Variants in MGMT observed in about 807,000 individuals in gnomAD.
MGMT encodes methylated-DNA--protein-cysteine methyltransferase.
Under a neutral mutation model 15.9 loss-of-function variants are expected in MGMT, and 14 were observed. That is an observed-to-expected ratio of 0.88 (90% confidence interval 0.58 to 1.37). The LOEUF is 1.37. Ranked by LOEUF, MGMT falls within the 40% of genes most tolerant of loss-of-function variation. The pLI is 0.00. For missense variants in MGMT, 282 were observed against 268.1 expected, an observed-to-expected ratio of 1.05 and a Z score of -0.36; for synonymous variants, 130 against 118.2, an observed-to-expected ratio of 1.10 and a Z score of -0.65.
At chr10:129,761,922 A>G (rs1564787799) in intron 4 of MGMT, among the ~76,000 whole-genome samples, 1 of 152,192 alleles carries the variant, frequency 6.6e-6, no homozygotes, top group African/African-American at 2.4e-5. Flanking sequence ...TATAGCACAG[A>G]TATGCCAGAG....
chr10:129,506,406 C>T (rs1181110613), intron 1 of MGMT, among the ~76,000 whole-genome samples: 5 of 152,142 alleles, frequency 3.3e-5, no homozygotes, highest in Admixed American at 1.3e-4. Flanking sequence ...GTGTCTTTCC[C>T]ATCACCCTAT....
intron 2 of MGMT, chr10:129,694,344 G>C (rs1156926056): frequency 6.6e-6 from 1 of 152,252 alleles, no homozygotes; most frequent in Admixed American, 6.5e-5. Flanking sequence ...TTGTTTTGCT[G>C]GAAAATCCTG....
At chr10:129,579,497 C>T (rs1846527249) in intron 2 of MGMT, among the ~76,000 whole-genome samples, 1 of 152,208 alleles carries the variant, frequency 6.6e-6, no homozygotes. Flanking sequence ...TTCCCATGCT[C>T]CGTGCCTCCA....
At chr10:129,502,534 A>G (rs896198147) in intron 1 of MGMT, among the ~76,000 whole-genome samples, 4 of 152,196 alleles carry the variant, frequency 2.6e-5, no homozygotes, top group African/African-American at 9.6e-5. Context: ...ATTTTGCCTT[A>G]AAAAATGAGT....
At chr10:129,664,822 A>G (rs1847639271) in intron 2 of MGMT, among the ~76,000 whole-genome samples, 1 of 152,220 alleles carries the variant, frequency 6.6e-6, no homozygotes, top group South Asian at 2.1e-4. Context: ...GAATGCATAT[A>G]AATGGAAGAT....
chr10:129,551,469 C>T (rs1048351618), intron 2 of MGMT, among the ~76,000 whole-genome samples: 1 of 152,062 alleles, frequency 6.6e-6, no homozygotes, highest in Non-Finnish European at 1.5e-5. Flanking sequence ...CATCAGCTGC[C>T]GCAGGCCAGG....
chr10:129,512,392 A>G (rs1391354144), intron 1 of MGMT, among the ~76,000 whole-genome samples: 1 of 152,176 alleles, frequency 6.6e-6, no homozygotes, highest in Non-Finnish European at 1.5e-5. Flanking sequence ...ATAGTTAATA[A>G]ACTAGTGTCT....
intron 1 of MGMT, among the ~76,000 whole-genome samples, chr10:129,528,367 G>T (rs572262850): frequency 4.9e-4 from 74 of 151,340 alleles, no homozygotes; most frequent in Admixed American, 1.6e-3. Context: ...GTGGAGAGCT[G>T]CGGTGGTGTA....
At chr10:129,710,164 A>G (rs1049396608) in intron 3 of MGMT, among the ~76,000 whole-genome samples, 3 of 152,124 alleles carry the variant, frequency 2.0e-5, no homozygotes, top group Admixed American at 6.5e-5. Context: ...GCAGGTCATG[A>G]TAGGTCTTGG....
chr10:129,627,463 T>C (rs542402839), intron 2 of MGMT, among the ~76,000 whole-genome samples: 154 of 152,230 alleles, frequency 1.0e-3, no homozygotes, highest in Non-Finnish European at 2.0e-3. Flanking sequence ...AAGAATTCAG[T>C]TTTTCGCCCC....
intron 2 of MGMT, among the ~76,000 whole-genome samples, chr10:129,574,605 T>C (rs1433889701): frequency 1.3e-5 from 2 of 152,182 alleles, no homozygotes; most frequent in South Asian, 2.1e-4. Context: ...CTGGGTTCAA[T>C]ATTAGCTCTG....
chr10:129,752,322 G>A (rs749693392), intron 3 of MGMT, among the ~76,000 whole-genome samples: 6 of 151,688 alleles, frequency 4.0e-5, no homozygotes, highest in Admixed American at 6.6e-5. Flanking sequence ...GTGTTTGCAT[G>A]GTATATCTTT....
In MGMT at chr10:129,766,987, G is replaced by A. The variant is rs750845258; in HGVS notation, c.614G>A (p.Gly205Asp). The A allele has an allele frequency of 6.9e-6, 11 of 1,600,230 alleles. No homozygotes were observed. In the South Asian group the frequency reaches 1.1e-4, roughly 16 times the overall value. ...GCTACCTCGGGCTCCCCGCCTGCTG[G>A]CCGAAACTGAGTATGTGCAGTAGGA... is the stretch of plus-strand genomic sequence containing the variant. ...AGATSGSPPA[G>D]RN Residue 205 changes from glycine to aspartate, a missense_variant, in exon 5 of 5, where the codon GGC becomes GAC. Gly to Asp is a moderately conservative substitution (Grantham distance 94). Transcript: ENST00000651593.
chr10:129,525,130 A>G (rs757415077), intron 1 of MGMT, among the ~76,000 whole-genome samples: 5 of 152,194 alleles, frequency 3.3e-5, no homozygotes, highest in African/African-American at 7.2e-5. Context: ...TTTCACACAC[A>G]CACACAGCAG....
chr10:129,469,180 C>T (rs1460643682), intron 1 of MGMT, among the ~76,000 whole-genome samples: 6 of 152,154 alleles, frequency 3.9e-5, no homozygotes, highest in Non-Finnish European at 5.9e-5. Flanking sequence ...ACTTGCCTTC[C>T]CCATTGCCCC....
chr10:129,517,629 A>C (rs1290403929), intron 1 of MGMT, among the ~76,000 whole-genome samples: 1 of 152,198 alleles, frequency 6.6e-6, no homozygotes, highest in Non-Finnish European at 1.5e-5. Flanking sequence ...CGTATGTCGC[A>C]CAAGGCTTCT....
At position 129,755,392 on chromosome 10, in the gene MGMT, T is replaced by C. The variant is rs570728672; in HGVS notation, c.275-3810T>C. Among the ~76,000 whole-genome samples, 476 of 152,340 alleles carry C rather than the reference T, an allele frequency of 3.1e-3. 4 individuals carry two copies. Among genetic ancestry groups the C allele is most frequent in the African/African-American group, 0.011 (453 of 41,594 alleles). ...GCTGAGGACCTGCTCTTTCTTGCTC[T>C]CTGTTGCTCTTTGTTGGCCATGGCC... On this transcript the variant is annotated intron_variant, in intron 3 of 4. Coordinates refer to ENST00000651593, the MANE Select transcript of MGMT (RefSeq NM_002412.5).
intron 1 of MGMT, among the ~76,000 whole-genome samples, chr10:129,521,627 T>A (rs988925421): frequency 4.6e-5 from 7 of 152,162 alleles, no homozygotes; most frequent in African/African-American, 1.4e-4. Context: ...CCAGGGAGGG[T>A]GTTTCCACCT....
chr10:129,702,903 G>A (rs745314076), intron 2 of MGMT, among the ~76,000 whole-genome samples: 1 of 152,178 alleles, frequency 6.6e-6, no homozygotes, highest in African/African-American at 2.4e-5. Flanking sequence ...GAACTCCCCC[G>A]TGATAAGCGC....
Sources: allele counts gnomAD v4.1 joint callset (sites outside exome capture counted in the v4.1 genomes callset), GRCh38; gene constraint gnomAD v4.1.1; transcripts MANE v1.5; gene names NCBI Gene and HGNC (gene_info 2026-07-23, HGNC 2026-07-21).